Variants in ARL15 observed in about 807,000 individuals in gnomAD.
ARL15 encodes ADP-ribosylation factor-like protein 15.
ARL15 carries 19 observed loss-of-function variants against 25.2 expected under a neutral mutation model. The observed-to-expected ratio is 0.75, with a 90% CI of 0.53 to 1.10. ARL15 has a LOEUF of 1.10. Ranked by LOEUF, ARL15 falls within the 50% of genes least tolerant of loss-of-function variation. The pLI is 0.00. For missense variants in ARL15, 220 were observed against 246.0 expected (o/e 0.89, Z 0.71); for synonymous variants, 94 against 86.8 (o/e 1.08, Z -0.46).
chr5:54,086,539 A>T (rs993617131), intron 4 of ARL15, among the ~76,000 whole-genome samples: 10 of 152,050 alleles, frequency 6.6e-5, no homozygotes, highest in Admixed American at 2.0e-4. Context: ...GATTTCTTCA[A>T]GTGGTGATTG....
intron 1 of ARL15, among the ~76,000 whole-genome samples, chr5:54,279,607 CAT>C (rs1196471657): frequency 6.6e-6 from 1 of 152,186 alleles, no homozygotes; most frequent in Non-Finnish European, 1.5e-5. Context: ...GGCTTCAACA[CAT>C]GAGTTTTGTG....
chr5:53,947,024 G>C (rs1746758695), intron 4 of ARL15, among the ~76,000 whole-genome samples: 1 of 152,156 alleles, frequency 6.6e-6, no homozygotes, highest in Admixed American at 6.5e-5. Flanking sequence ...AAGGACAAGG[G>C]CTGGGATGAA....
chr5:54,039,243 C>T (rs1261961645), intron 4 of ARL15, among the ~76,000 whole-genome samples: 1 of 151,882 alleles, frequency 6.6e-6, no homozygotes, highest in Non-Finnish European at 1.5e-5. Context: ...TAGAAGTTCA[C>T]ACTTTTAAGA....
At chr5:53,972,128 A>G (rs1747773385) in intron 4 of ARL15, among the ~76,000 whole-genome samples, 1 of 152,176 alleles carries the variant, frequency 6.6e-6, no homozygotes, top group South Asian at 2.1e-4. Context: ...AAGGCTTAGA[A>G]TTTCCTAATA....
chr5:54,265,875 A>T (rs1472684199), intron 1 of ARL15, among the ~76,000 whole-genome samples: 1 of 152,214 alleles, frequency 6.6e-6, no homozygotes, highest in African/African-American at 2.4e-5. Flanking sequence ...GTTACTATAT[A>T]TCAGGTTCCA....
At chr5:54,039,134 A>G (rs1750256989) in intron 4 of ARL15, among the ~76,000 whole-genome samples, 1 of 152,002 alleles carries the variant, frequency 6.6e-6, no homozygotes, top group Admixed American at 6.6e-5. Flanking sequence ...ATATCTACCT[A>G]CTCACCTACT....
chr5:54,089,850 T>C (rs1752081170), intron 4 of ARL15, among the ~76,000 whole-genome samples: 1 of 152,202 alleles, frequency 6.6e-6, no homozygotes, highest in Admixed American at 6.5e-5. Context: ...GTTTTCTGGC[T>C]ACAAAAACCA....
At chr5:54,107,736 G>A (rs1199422166) in intron 4 of ARL15, among the ~76,000 whole-genome samples, 1 of 151,864 alleles carries the variant, frequency 6.6e-6, no homozygotes, top group Non-Finnish European at 1.5e-5. Flanking sequence ...AAGGAATGGG[G>A]GTTTTAAAAG....
At chr5:54,292,855 G>C (rs888907676) in intron 1 of ARL15, among the ~76,000 whole-genome samples, 11 of 152,304 alleles carry the variant, frequency 7.2e-5, no homozygotes, top group African/African-American at 2.6e-4. Flanking sequence ...GCAAGTGGCA[G>C]AAGGTAGACT....
intron 1 of ARL15, among the ~76,000 whole-genome samples, chr5:54,308,717 C>T (rs1050728415): frequency 2.0e-5 from 3 of 152,164 alleles, no homozygotes; most frequent in Non-Finnish European, 2.9e-5. Context: ...GAGTAATTAA[C>T]CAGAGTTATC....
chr5:54,176,711 G>T (rs925313293), intron 1 of ARL15, among the ~76,000 whole-genome samples: 1 of 152,124 alleles, frequency 6.6e-6, no homozygotes, highest in Non-Finnish European at 1.5e-5. Flanking sequence ...GTTTCCCCAC[G>T]ATTAACCAGT....
At chr5:54,006,355 T>C (rs912996448) in intron 4 of ARL15, among the ~76,000 whole-genome samples, 1 of 152,010 alleles carries the variant, frequency 6.6e-6, no homozygotes, top group African/African-American at 2.4e-5. Flanking sequence ...TAAGTAACTG[T>C]AAGAAATATT....
At chr5:54,297,540 A>C (rs1758498006) in intron 1 of ARL15, among the ~76,000 whole-genome samples, 1 of 152,244 alleles carries the variant, frequency 6.6e-6, no homozygotes, top group African/African-American at 2.4e-5. Flanking sequence ...CATTGTCAGT[A>C]AAGCTAAAAT....
At chr5:54,142,598 C>T (rs1414936632) in intron 3 of ARL15, among the ~76,000 whole-genome samples, 4 of 152,150 alleles carry the variant, frequency 2.6e-5, no homozygotes, top group Non-Finnish European at 4.4e-5. Flanking sequence ...CAATGACCTC[C>T]CATCACCCCT....
intron 1 of ARL15, among the ~76,000 whole-genome samples, chr5:54,224,420 G>A (rs1206776604): frequency 6.6e-6 from 1 of 152,194 alleles, no homozygotes. Context: ...AGGCCAGCAG[G>A]ACAGACACGT....
chr5:53,924,562 G>C (rs1029221609), intron 4 of ARL15, among the ~76,000 whole-genome samples: 4 of 152,192 alleles, frequency 2.6e-5, no homozygotes, highest in Non-Finnish European at 4.4e-5. Flanking sequence ...AAGTTGGCTA[G>C]GAGGGTTGAG....
chr5:54,131,886 G>A (rs760180573), intron 3 of ARL15, among the ~76,000 whole-genome samples: 76 of 150,234 alleles, frequency 5.1e-4, no homozygotes, highest in Non-Finnish European at 7.5e-4. Context: ...CTGGGCCACA[G>A]AGCAAGACTC....
At chr5:54,064,731 A>T (rs1159372435) in intron 4 of ARL15, among the ~76,000 whole-genome samples, 1 of 16,828 alleles carries the variant, frequency 5.9e-5, no homozygotes, top group African/African-American at 3.3e-4. Flanking sequence ...TCTAGTGAGT[A>T]AAAAAAAAAA....
At chr5:54,212,984 C>T (rs1756087059) in intron 1 of ARL15, among the ~76,000 whole-genome samples, 1 of 152,244 alleles carries the variant, frequency 6.6e-6, no homozygotes. Flanking sequence ...TCCCTTGACA[C>T]ACTAACATCC....
Sources: gnomAD v4.1 joint callset for allele counts (sites outside exome capture counted in the v4.1 genomes callset) on GRCh38, gnomAD v4.1.1 for gene constraint, MANE v1.5 for transcripts, NCBI Gene and HGNC (gene_info 2026-07-23, HGNC 2026-07-21) for gene names.